Variants in F8 observed in about 807,000 individuals in gnomAD.
F8 encodes the protein coagulation factor VIII.
Under a neutral mutation model 140.6 loss-of-function variants are expected in F8, and 12 were observed. The observed-to-expected ratio is 0.09, with a 90% CI of 0.05 to 0.14. The LOEUF (loss-of-function observed/expected upper bound fraction) is 0.14. Ranked by LOEUF, F8 falls within the 10% of genes least tolerant of loss-of-function variation. The pLI is 1.00. For synonymous variants in F8, 585 were observed against 614.6 expected (o/e 0.95, Z 0.71); for missense variants, 1,354 against 1,720.7 (o/e 0.79, Z 3.77).
chrX:155,013,124 T>A (rs782461198), intron 1 of F8, among the ~76,000 whole-genome samples: 4 of 83,286 alleles, frequency 4.8e-5, no homozygotes, highest in African/African-American at 2.1e-4. Flanking sequence ...CCAGCCTGGG[T>A]GACAGAGCGA....
intron 13 of F8, among the ~76,000 whole-genome samples, chrX:154,936,636 C>G (rs1210023436): frequency 6.3e-5 from 7 of 111,869 alleles, no homozygotes; most frequent in African/African-American, 2.3e-4. Flanking sequence ...ACTCAACAAT[C>G]ACAGAGATGT....
chrX:155,005,279 G>A (rs975616564), intron 1 of F8, among the ~76,000 whole-genome samples: 1 of 111,807 alleles, frequency 8.9e-6, no homozygotes, highest in Non-Finnish European at 1.9e-5. Context: ...TGGAGACAGA[G>A]GAGAATATAT....
chrX:154,945,563 C>T (rs185729407), intron 13 of F8, among the ~76,000 whole-genome samples: 1 of 111,737 alleles, frequency 8.9e-6, no homozygotes, highest in Non-Finnish European at 1.9e-5. Flanking sequence ...TGAGAAAACT[C>T]TAAACAAACT....
At chrX:154,920,525 T>C (rs889558623) in intron 14 of F8, among the ~76,000 whole-genome samples, 5 of 110,970 alleles carry the variant, frequency 4.5e-5, no homozygotes, top group Non-Finnish European at 7.6e-5. Context: ...GATCATTGCT[T>C]ACTGTAGCCT....
intron 22 of F8, among the ~76,000 whole-genome samples, chrX:154,874,064 G>A (rs1557273820): frequency 8.9e-6 from 1 of 112,278 alleles, no homozygotes; most frequent in African/African-American, 3.2e-5. Flanking sequence ...CCTATGGAAT[G>A]GATGAAAATA....
At chrX:154,996,946 A>C in intron 3 of F8, 27 bp downstream of exon 3, 1 of 1,206,902 alleles carries the variant, frequency 8.3e-7, no homozygotes, top group Non-Finnish European at 1.1e-6. Context: ...ATAGAATGAC[A>C]GGACAATAGG....
intron 1 of F8, among the ~76,000 whole-genome samples, chrX:155,021,587 C>A (rs1320589140): frequency 9.0e-6 from 1 of 110,907 alleles, no homozygotes; most frequent in African/African-American, 3.3e-5. Context: ...ATAAATCAAA[C>A]CAAAAGAAAA....
In F8 at chrX:154,966,660, T is replaced by C; in HGVS notation, c.1037A>G (p.Asp346Gly). ...HDGMEAYVKV[D>G]SCPEEPQLRM... ...TAGTTGGGGTTCCTCTGGACAGCTG[T>C]CTACTTTGACATAAGCTTCCATGCC... The change falls in exon 8 of 26, where the codon GAC becomes GGC. Residue 346 changes from aspartate (D) to glycine (G), a missense_variant. By Grantham distance (94) the Asp-to-Gly change is moderately conservative (BLOSUM62 -1). Around this residue, in one of 4 missense-constraint regions of F8, gnomAD observed 252 missense variants for 338.5 expected, o/e 0.74. Coordinates refer to ENST00000360256, the MANE Select transcript of F8 (RefSeq NM_000132.4). 1 of 1,211,829 alleles carries C rather than the reference T, an allele frequency of 8.3e-7. No homozygotes were observed. Among genetic ancestry groups the C allele is most frequent in the South Asian group, 1.8e-5 (1 of 56,996 alleles).
At chrX:154,841,855 C>T (rs913289248) in intron 25 of F8, among the ~76,000 whole-genome samples, 1 of 111,355 alleles carries the variant, frequency 9.0e-6, no homozygotes, top group African/African-American at 3.3e-5. Flanking sequence ...ATGAATAAAA[C>T]GGGCCTATTA....
At chrX:154,849,148 A>AT (rs1159843336) in intron 25 of F8, among the ~76,000 whole-genome samples, 1 of 106,921 alleles carries the variant, frequency 9.4e-6, no homozygotes, top group Admixed American at 1.0e-4. Context: ...TAATTTTTGT[A>AT]TTTTTTTTTA....
intron 13 of F8, among the ~76,000 whole-genome samples, chrX:154,933,965 G>A (rs1462538976): frequency 2.7e-5 from 3 of 111,640 alleles, no homozygotes; most frequent in Non-Finnish European, 3.8e-5. Flanking sequence ...TTACAAAAAC[G>A]GACAGAGACC....
intron 1 of F8, among the ~76,000 whole-genome samples, chrX:155,005,691 A>T (rs148600538): frequency 5.7e-4 from 64 of 112,240 alleles, no homozygotes; most frequent in African/African-American, 2.0e-3. Flanking sequence ...CCGCTTCAGG[A>T]CTAAAGCACT....
At chrX:154,942,233 T>C (rs1456304399) in intron 13 of F8, among the ~76,000 whole-genome samples, 1 of 109,183 alleles carries the variant, frequency 9.2e-6, no homozygotes, top group Non-Finnish European at 1.9e-5. Flanking sequence ...CAGGAGCTGG[T>C]TTTTTGAAAG....
At chrX:154,939,424 C>A (rs782150930) in intron 13 of F8, among the ~76,000 whole-genome samples, 1 of 112,563 alleles carries the variant, frequency 8.9e-6, no homozygotes, top group Non-Finnish European at 1.9e-5. Flanking sequence ...ATTGCTAGCA[C>A]AGCAGTCTGA....
chrX:155,016,590 T>C (rs914333009), intron 1 of F8, among the ~76,000 whole-genome samples: 10 of 112,798 alleles, frequency 8.9e-5, no homozygotes, highest in African/African-American at 3.2e-4. Context: ...AGAAATACTT[T>C]ATACAACAAC....
At chrX:154,849,642 T>C (rs1385843751) in intron 25 of F8, among the ~76,000 whole-genome samples, 1 of 110,902 alleles carries the variant, frequency 9.0e-6, no homozygotes, top group Non-Finnish European at 1.9e-5. Context: ...ACTGAAATAT[T>C]TGGTCCATTC....
At chrX:154,841,208 CTTTTTTTTT>C (rs1168917544) in intron 25 of F8, among the ~76,000 whole-genome samples, 2 of 48,693 alleles carry the variant, frequency 4.1e-5, no homozygotes, top group African/African-American at 1.5e-4. Context: ...TTGCTTTCTT[CTTTTTTTTT>C]TTTTTTTTTT....
intron 13 of F8, among the ~76,000 whole-genome samples, chrX:154,937,429 G>A (rs1157511150): frequency 9.2e-6 from 1 of 108,910 alleles, no homozygotes; most frequent in Non-Finnish European, 1.9e-5. Context: ...GCACTAGGGG[G>A]AGGGGCGAGG....
chrX:154,930,391 T>C lies in F8; in HGVS notation c.3399A>G (p.Gly1133=), dbSNP rs200042130. The change falls in exon 14 of 26, where the codon GGA becomes GGG. Residue 1133 remains glycine, a synonymous_variant. Transcript: ENST00000360256. The part of the protein sequence containing the change: ...ESARWIQRTH[G]KNSLNSGQGP... ...CTTGCCCAGAGTTCAGAGAGTTCTT[T>C]CCATGAGTCCTTTGTATCCACCTTG... 35 of 1,209,412 alleles carry C rather than the reference T, an allele frequency of 2.9e-5. No individual in the cohort carries two copies. In the African/African-American group the frequency reaches 5.2e-4, roughly 18 times the overall value.
Sources: gnomAD v4.1 joint callset for allele counts (sites outside exome capture counted in the v4.1 genomes callset) on GRCh38, gnomAD v4.1.1 for gene constraint, gnomAD v4.1.1 regional missense constraint, MANE v1.5 for transcripts, NCBI Gene and HGNC (gene_info 2026-07-23, HGNC 2026-07-21) for gene names.